The following SPATA7 variants were observed in gnomAD, a reference collection of about 807,000 sequenced individuals.
The protein encoded by SPATA7 is spermatogenesis-associated protein 7.
Under a neutral mutation model 51.8 loss-of-function variants are expected in SPATA7, and 43 were observed. The ratio of observed to expected loss-of-function variants is 0.83; its 90% CI spans 0.65 to 1.07. The LOEUF (loss-of-function observed/expected upper bound fraction) is 1.07. Among genes scored for constraint, SPATA7 ranks in the 50% least tolerant of loss-of-function variants. The pLI is 0.00. For synonymous variants in SPATA7, 230 were observed against 252.8 expected, an observed-to-expected ratio of 0.91 and a Z score of 0.86; for missense variants, 683 against 701.3, an observed-to-expected ratio of 0.97 and a Z score of 0.30.
At chr14:88,447,191 A>G (rs1161735364) in intron 3 of SPATA7, among the ~76,000 whole-genome samples, 22 of 149,704 alleles carry the variant, frequency 1.5e-4, no homozygotes, top group African/African-American at 4.5e-4. Context: ...ATATATATTT[A>G]GGATAGTTAG....
At chr14:88,407,184 A>G (rs1329182258) in intron 4 of SPATA7, among the ~76,000 whole-genome samples, 1 of 152,158 alleles carries the variant, frequency 6.6e-6, no homozygotes, top group Non-Finnish European at 1.5e-5. Flanking sequence ...TCCTTGAGGA[A>G]TTGCCACACG....
At chr14:88,387,148 G>T (rs2075602463) in intron 1 of SPATA7, among the ~76,000 whole-genome samples, 1 of 152,166 alleles carries the variant, frequency 6.6e-6, no homozygotes, top group Non-Finnish European at 1.5e-5. Flanking sequence ...TTGAATCTAG[G>T]TGAAGAATAT....
At chr14:88,394,788 C>T (rs542185919) in intron 3 of SPATA7, among the ~76,000 whole-genome samples, 1 of 152,246 alleles carries the variant, frequency 6.6e-6, no homozygotes, top group Admixed American at 6.5e-5. Context: ...CCCTTACCAA[C>T]CCTTGGCGTT....
intron 5 of SPATA7, among the ~76,000 whole-genome samples, chr14:88,417,316 T>TTATA (rs1555374558): frequency 8.4e-4 from 121 of 144,038 alleles, no homozygotes; most frequent in African/African-American, 3.1e-3. Context: ...TTTTTTTTTT[T>TTATA]TATATATATA....
chr14:88,442,170 G>C (rs1326755117), downstream of SPATA7, among the ~76,000 whole-genome samples: 1 of 129,588 alleles, frequency 7.7e-6, no homozygotes, highest in Non-Finnish European at 1.7e-5. Context: ...TGGTCTATAT[G>C]CCTGTTTGTT....
chr14:88,427,687 C>T lies in SPATA7; in HGVS notation c.903C>T (p.Asn301=). Residue 301 remains asparagine, a synonymous_variant, in exon 7 of 12, where the codon AAC becomes AAT. Coordinates refer to ENST00000393545, the MANE Select transcript of SPATA7 (RefSeq NM_018418.5). ...AAAACATGACAGATTCAGAAATGAA[C>T]ATAAAGCAGGTAATAAGTATGAAAT... ...ETKNMTDSEM[N]IKQASNCVTY... 1 of 1,607,658 alleles carries T rather than the reference C, an allele frequency of 6.2e-7. No individual in the cohort carries two copies. The highest frequency in any genetic ancestry group is 1.1e-5 in the South Asian group (1 of 90,850).
At chr14:88,456,473 A>G (rs952574807), downstream of SPATA7, among the ~76,000 whole-genome samples, 1 of 152,060 alleles carries the variant, frequency 6.6e-6, no homozygotes, top group Non-Finnish European at 1.5e-5. Context: ...TCTGATGGCC[A>G]GTGATGATGA....
chr14:88,394,129 A>G (rs454734), intron 3 of SPATA7, among the ~76,000 whole-genome samples: 5,535 of 152,242 alleles, frequency 0.036, 318 homozygotes, highest in African/African-American at 0.12. Context: ...ACAAACAATC[A>G]TTTTCAATCT....
chr14:88,395,851 G>A (rs73321822), intron 3 of SPATA7, among the ~76,000 whole-genome samples: 5,364 of 152,144 alleles, frequency 0.035, 311 homozygotes, highest in African/African-American at 0.12. Context: ...ATCAGGTAGT[G>A]TAAGTCTTCC....
At chr14:88,423,279 T>G (rs1033367162) in intron 5 of SPATA7, among the ~76,000 whole-genome samples, 1 of 150,864 alleles carries the variant, frequency 6.6e-6, no homozygotes, top group South Asian at 2.1e-4. Flanking sequence ...GGCTCACACC[T>G]GTGATCCCAA....
intron 5 of SPATA7, among the ~76,000 whole-genome samples, chr14:88,422,620 T>C (rs2139983802): frequency 6.7e-6 from 1 of 148,644 alleles, no homozygotes; most frequent in East Asian, 1.9e-4. Context: ...ATTATTTACA[T>C]ATTATATATT....
At chr14:88,427,824 G>A in intron 7 of SPATA7, 128 bp downstream of exon 7, 1 of 734,974 alleles carries the variant, frequency 1.4e-6, no homozygotes, top group East Asian at 2.8e-5. Context: ...ACATGATATA[G>A]CCAGTATACA....
intron 4 of SPATA7, among the ~76,000 whole-genome samples, chr14:88,404,072 A>G (rs1164977171): frequency 2.6e-5 from 4 of 152,172 alleles, no homozygotes; most frequent in Admixed American, 6.5e-5. Context: ...GCAACCTGAT[A>G]TATATATAAA....
chr14:88,417,325 T>C (rs971449411), intron 5 of SPATA7, among the ~76,000 whole-genome samples: 6 of 148,568 alleles, frequency 4.0e-5, no homozygotes, highest in African/African-American at 1.5e-4. Flanking sequence ...TTTATATATA[T>C]ATATATAGTC....
At chr14:88,408,783 T>TCAACACCTAGTTTATTG (rs2076263407) in intron 4 of SPATA7, among the ~76,000 whole-genome samples, 1 of 152,244 alleles carries the variant, frequency 6.6e-6, no homozygotes, top group Non-Finnish European at 1.5e-5. Flanking sequence ...ATACATTCTA[T>TCAACACCTAGTTTATTG]CAACACCTAG....
intron 10 of SPATA7, among the ~76,000 whole-genome samples, chr14:88,433,634 G>T (rs143203893): frequency 2.6e-5 from 4 of 152,072 alleles, no homozygotes; most frequent in Non-Finnish European, 4.4e-5. Context: ...AGGTTTGCAC[G>T]CTGTAAGTTA....
chr14:88,459,458 T>C (rs1319427774), downstream of SPATA7, among the ~76,000 whole-genome samples: 1 of 152,238 alleles, frequency 6.6e-6, no homozygotes, highest in Non-Finnish European at 1.5e-5. Flanking sequence ...GTTGAATTGA[T>C]CCCTTTACCA....
intron 3 of SPATA7, among the ~76,000 whole-genome samples, chr14:88,394,177 C>T (rs962487240): frequency 3.3e-5 from 5 of 152,134 alleles, no homozygotes; most frequent in Non-Finnish European, 4.4e-5. Flanking sequence ...CACTAAAAAG[C>T]AGAGTTGACC....
At chr14:88,451,665 T>C (rs951892911) in intron 3 of SPATA7, among the ~76,000 whole-genome samples, 1 of 151,470 alleles carries the variant, frequency 6.6e-6, no homozygotes, top group Non-Finnish European at 1.5e-5. Flanking sequence ...GCTGGGATTA[T>C]AGGCGCCCAC....
Sources: allele counts gnomAD v4.1 joint callset (sites outside exome capture counted in the v4.1 genomes callset), GRCh38; gene constraint gnomAD v4.1.1; transcripts MANE v1.5; gene names NCBI Gene and HGNC (gene_info 2026-07-23, HGNC 2026-07-21).